The following NOX4 variants were observed in gnomAD, a reference collection of about 807,000 sequenced individuals.
NOX4 encodes kidney oxidase-1.
In NOX4, 69 loss-of-function variants were observed where a neutral mutation model predicts 87.6. The observed-to-expected ratio is 0.79, with a 90% confidence interval of 0.65 to 0.96. The LOEUF is 0.96. NOX4 is among the 40% of genes least tolerant of loss of function. The pLI, the probability that NOX4 is intolerant of heterozygous loss-of-function variation, is 0.00. For synonymous variants in NOX4, 275 were observed against 238.2 expected (o/e 1.15, Z -1.42); for missense variants, 680 against 681.5 (o/e 1.00, Z 0.02).
At chr11:89,374,761 T>G (rs1272936630) in intron 11 of NOX4, among the ~76,000 whole-genome samples, 4 of 152,054 alleles carry the variant, frequency 2.6e-5, no homozygotes, top group Admixed American at 1.3e-4. Flanking sequence ...ATTAGTAGAA[T>G]TGGTATGCCA....
intron 2 of NOX4, among the ~76,000 whole-genome samples, chr11:89,459,663 T>C (rs914650750): frequency 5.9e-5 from 9 of 151,846 alleles, no homozygotes; most frequent in Admixed American, 1.3e-4. Flanking sequence ...TAAAAGAGGA[T>C]ACAAACAAAT....
chr11:89,543,148 C>G, the NOX4 span, among the ~76,000 whole-genome samples: 4 of 152,216 alleles, frequency 2.6e-5, no homozygotes, highest in Admixed American at 2.0e-4. Context: ...TAGACATCAC[C>G]GCTACACAAT....
intron 2 of NOX4, among the ~76,000 whole-genome samples, chr11:89,459,913 C>A (rs1321417744): frequency 6.6e-6 from 1 of 152,198 alleles, no homozygotes; most frequent in East Asian, 1.9e-4. Context: ...TCAAACTATA[C>A]TACAAGGCTA....
intron 1 of NOX4, 47 bp from the exon 2 acceptor site, chr11:89,490,600 T>C (rs766189170): frequency 7.4e-7 from 1 of 1,345,952 alleles, no homozygotes; most frequent in Non-Finnish European, 1.1e-6. Context: ...TTGAAAATAA[T>C]TATTACCTGA....
rs376979468 is a variant in NOX4 at position 89,335,377 on chromosome 11, T to G, written c.1616+468A>C. 3.6e-4 allele frequency among the ~76,000 whole-genome samples: 55 copies of G among 151,876 alleles called. 1 individual carries two copies. Among genetic ancestry groups the G allele is most frequent in the Middle Eastern group, 6.8e-3 (2 of 294 alleles). The stretch of plus-strand genomic sequence containing the variant: ...TTGGAAATATTCTAGGTTTAAAGAC[T>G]GCATATTACAATGCAGAGAGTTTTT... On this transcript the variant is annotated intron_variant, in intron 17 of 17. Coordinates refer to ENST00000263317, the MANE Select transcript of NOX4 (RefSeq NM_016931.5).
At position 89,457,921 on chromosome 11, in the gene NOX4, G is replaced by GA. The variant is rs548158320; in HGVS notation, c.154-6027dup. ...GAAATCAGAAATAACACAAACAAAT[G>GA]AAAAAAAAATTCCATGTTCATAAAT... On this transcript the variant is annotated intron_variant, in intron 2 of 17. Transcript: ENST00000263317. 3.3e-3 allele frequency among the ~76,000 whole-genome samples: 497 copies of GA among 150,484 alleles called. 5 individuals are homozygous for GA. Among genetic ancestry groups the GA allele is most frequent in the African/African-American group, 0.012 (474 of 41,086 alleles).
chr11:89,545,992 G>T, the NOX4 span, among the ~76,000 whole-genome samples: 1 of 152,128 alleles, frequency 6.6e-6, no homozygotes, highest in Non-Finnish European at 1.5e-5. Context: ...TCTTCCTGTG[G>T]TAAATATTAG....
chr11:89,461,371 G>A (rs1945455349), intron 2 of NOX4, among the ~76,000 whole-genome samples: 1 of 151,714 alleles, frequency 6.6e-6, no homozygotes, highest in African/African-American at 2.4e-5. Context: ...AAGGCCAGGT[G>A]CGGTGGGTTA....
chr11:89,462,668 T>C (rs1404482726), intron 2 of NOX4, among the ~76,000 whole-genome samples: 1 of 152,078 alleles, frequency 6.6e-6, no homozygotes, highest in Admixed American at 6.5e-5. Flanking sequence ...GTAACATCCT[T>C]GTTTCAAACC....
intron 2 of NOX4, among the ~76,000 whole-genome samples, chr11:89,454,675 C>A (rs1276791771): frequency 6.6e-6 from 1 of 151,990 alleles, no homozygotes. Context: ...ATAGTCTGGG[C>A]ATAAATAAAA....
chr11:89,447,343 GA>G (rs1309936625), intron 4 of NOX4, among the ~76,000 whole-genome samples: 3 of 151,976 alleles, frequency 2.0e-5, no homozygotes, highest in African/African-American at 7.3e-5. Context: ...TATTCTTTCT[GA>G]ATTTCTCTGA....
intron 2 of NOX4, among the ~76,000 whole-genome samples, chr11:89,487,226 C>A (rs137963460): frequency 6.6e-6 from 1 of 152,208 alleles, no homozygotes; most frequent in East Asian, 1.9e-4. Flanking sequence ...GCTTCCTCAG[C>A]CCATATTTCC....
At chr11:89,362,195 CA>C (rs1938579512) in intron 12 of NOX4, among the ~76,000 whole-genome samples, 1 of 152,006 alleles carries the variant, frequency 6.6e-6, no homozygotes, top group African/African-American at 2.4e-5. Flanking sequence ...CACACACACA[CA>C]CACCTTCTAG....
upstream of NOX4, among the ~76,000 whole-genome samples, chr11:89,493,709 A>T (rs1489136546): frequency 1.5e-5 from 2 of 136,452 alleles, no homozygotes; most frequent in African/African-American, 5.4e-5. Context: ...AATTTTCTCT[A>T]AGCCAGATTG....
chr11:89,492,482 C>G (rs1400487077), upstream of NOX4, among the ~76,000 whole-genome samples: 3 of 152,176 alleles, frequency 2.0e-5, no homozygotes, highest in East Asian at 5.8e-4. Flanking sequence ...TCACTACATG[C>G]AATATACTTA....
intron 8 of NOX4, 151 bp from the exon 9 acceptor site, chr11:89,402,693 G>A: frequency 1.5e-6 from 1 of 680,692 alleles, no homozygotes; most frequent in Non-Finnish European, 2.4e-6. Context: ...ATTATGTTTA[G>A]GAGAAATTGA....
rs11821397 is a variant in NOX4, at chr11:89,436,638, C to A, written c.476-3782G>T. Among the ~76,000 whole-genome samples the A allele has an allele frequency of 8.0e-3, 1,214 of 152,074 alleles. 19 individuals are homozygous for A. Among genetic ancestry groups the A allele is most frequent in the African/African-American group, 0.027 (1,111 of 41,488 alleles). On this transcript the variant is annotated intron_variant, in intron 6 of 17. Coordinates refer to ENST00000263317, the MANE Select transcript of NOX4 (RefSeq NM_016931.5). ...ACCTGAGAGATTGTTTTCATCCATA[C>A]CCAGATGTGGTCAGAAATATACCAT...
At chr11:89,569,827 C>A in the NOX4 span, among the ~76,000 whole-genome samples, 1 of 151,802 alleles carries the variant, frequency 6.6e-6, no homozygotes, top group African/African-American at 2.4e-5. Context: ...CATGGTGAAA[C>A]CCGCCTCTAT....
chr11:89,437,793 T>C (rs541275133), intron 6 of NOX4, among the ~76,000 whole-genome samples: 6 of 152,224 alleles, frequency 3.9e-5, no homozygotes, highest in South Asian at 2.1e-4. Context: ...CATCCTTCAA[T>C]ATCCATGCGA....
Sources: gnomAD v4.1 joint callset for allele counts (sites outside exome capture counted in the v4.1 genomes callset) on GRCh38, gnomAD v4.1.1 for gene constraint, MANE v1.5 for transcripts, NCBI Gene and HGNC (gene_info 2026-07-23, HGNC 2026-07-21) for gene names.